Variants in CCSER1 observed in about 807,000 individuals in gnomAD.
CCSER1 encodes serine-rich coiled-coil domain-containing protein 1.
Under a neutral mutation model 82.0 loss-of-function variants are expected in CCSER1, and 41 were observed. The ratio of observed to expected loss-of-function variants is 0.50; its 90% CI spans 0.39 to 0.65. The LOEUF (loss-of-function observed/expected upper bound fraction) is 0.65, where lower values mean the gene tolerates loss of function less well. Ranked by LOEUF, CCSER1 falls within the 30% of genes least tolerant of loss-of-function variation. The pLI is 0.00. For synonymous variants in CCSER1, 414 were observed against 383.9 expected (o/e 1.08, Z -0.92); for missense variants, 1,119 against 1,064.2 (o/e 1.05, Z -0.72).
At chr4:90,312,667 G>T (rs532207640) in intron 2 of CCSER1, among the ~76,000 whole-genome samples, 196 bp from the exon 3 acceptor site, 7 of 152,110 alleles carry the variant, frequency 4.6e-5, no homozygotes, top group African/African-American at 1.7e-4. Flanking sequence ...AGCAACAAAG[G>T]ATGACTCCAA....
At chr4:91,391,182 T>G (rs555024813) in intron 10 of CCSER1, among the ~76,000 whole-genome samples, 1 of 152,308 alleles carries the variant, frequency 6.6e-6, no homozygotes, top group African/African-American at 2.4e-5. Flanking sequence ...ATATGAGTTC[T>G]GTGCTATAAA....
chr4:91,154,901 G>T (rs1730653568), intron 10 of CCSER1, among the ~76,000 whole-genome samples: 1 of 151,906 alleles, frequency 6.6e-6, no homozygotes, highest in South Asian at 2.1e-4. Context: ...AGATGAGGAA[G>T]TAGGGGCACA....
At chr4:90,132,795 T>C (rs534891073) in intron 1 of CCSER1, among the ~76,000 whole-genome samples, 11 of 152,350 alleles carry the variant, frequency 7.2e-5, no homozygotes, top group Non-Finnish European at 1.3e-4. Context: ...TCATTTACAC[T>C]GCACTAACTC....
chr4:91,087,084 T>G (rs980647710), intron 10 of CCSER1, among the ~76,000 whole-genome samples: 20 of 152,186 alleles, frequency 1.3e-4, no homozygotes, highest in African/African-American at 4.6e-4. Context: ...TTTTACAGCT[T>G]TGTGAGAATG....
At chr4:91,177,027 A>G (rs1288422234) in intron 10 of CCSER1, among the ~76,000 whole-genome samples, 1 of 152,158 alleles carries the variant, frequency 6.6e-6, no homozygotes, top group East Asian at 1.9e-4. Flanking sequence ...TTTTAGCATG[A>G]AGGGCTGTTG....
intron 9 of CCSER1, among the ~76,000 whole-genome samples, chr4:91,084,305 C>T (rs1178922908): frequency 6.6e-6 from 1 of 152,162 alleles, no homozygotes; most frequent in Non-Finnish European, 1.5e-5. Flanking sequence ...GAAGAGAAGA[C>T]AGTAATTACT....
intron 7 of CCSER1, among the ~76,000 whole-genome samples, chr4:90,753,442 A>AAG (rs773430261): frequency 2.6e-5 from 4 of 152,050 alleles, no homozygotes; most frequent in Non-Finnish European, 5.9e-5. Context: ...AGCCAAAAAT[A>AAG]AGAGAGAGAG....
chr4:91,167,241 C>T (rs1340232962), intron 10 of CCSER1, among the ~76,000 whole-genome samples: 1 of 134,484 alleles, frequency 7.4e-6, no homozygotes, highest in Non-Finnish European at 1.5e-5. Context: ...GACTAGAGTG[C>T]ATTGGCGCGA....
At chr4:91,088,575 A>G (rs980528574) in intron 10 of CCSER1, among the ~76,000 whole-genome samples, 2 of 152,218 alleles carry the variant, frequency 1.3e-5, no homozygotes, top group African/African-American at 4.8e-5. Context: ...TAAATTGTGA[A>G]ATATACAAAA....
At chr4:91,581,087 C>T (rs1763704963) in intron 10 of CCSER1, among the ~76,000 whole-genome samples, 1 of 151,674 alleles carries the variant, frequency 6.6e-6, no homozygotes. Flanking sequence ...ACCAACAGAC[C>T]TCCTGGACAA....
rs1728279181 is a variant in CCSER1, at chr4:91,134,431, AC to A, written c.2217+48438del. Among the ~76,000 whole-genome samples the A allele has an allele frequency of 2.8e-4, 42 of 150,346 alleles. 1 individual carries two copies. In the South Asian group the frequency reaches 8.5e-3, roughly 30 times the overall value. ...GCAAGACCCTGTCTACAAAAAAAAAACAAAAACAAACAAAAAAACAAAATAA... is the reference window on the plus strand; with the variant it reads ...GCAAGACCCTGTCTACAAAAAAAAAAAAAAACAAACAAAAAAACAAAATAA... On this transcript the variant is annotated intron_variant, in intron 10 of 10. Transcript: ENST00000509176.
chr4:90,746,168 T>G (rs1747428407), intron 7 of CCSER1, among the ~76,000 whole-genome samples: 1 of 152,216 alleles, frequency 6.6e-6, no homozygotes. Context: ...TAATTATGTT[T>G]ATTTACAATT....
intron 10 of CCSER1, among the ~76,000 whole-genome samples, chr4:91,401,913 C>G (rs976940622): frequency 6.6e-6 from 1 of 152,078 alleles, no homozygotes; most frequent in Non-Finnish European, 1.5e-5. Flanking sequence ...GGGTATATAC[C>G]CAGTAATGGG....
intron 3 of CCSER1, among the ~76,000 whole-genome samples, chr4:90,365,855 C>A (rs866893926): frequency 6.6e-6 from 1 of 151,782 alleles, no homozygotes; most frequent in Non-Finnish European, 1.5e-5. Flanking sequence ...GGGCAAAGAC[C>A]TTGCTATCAA....
intron 10 of CCSER1, among the ~76,000 whole-genome samples, chr4:91,437,837 C>G (rs529211618): frequency 9.2e-5 from 14 of 152,366 alleles, no homozygotes; most frequent in South Asian, 6.2e-4. Flanking sequence ...TATCTCGCAC[C>G]TGGTTTGGAG....
chr4:91,493,817 AT>A (rs796223678), intron 10 of CCSER1, among the ~76,000 whole-genome samples: 50 of 151,858 alleles, frequency 3.3e-4, no homozygotes, highest in Admixed American at 7.3e-4. Context: ...CAAATATCTA[AT>A]TTTTTTTAAA....
chr4:91,536,604 T>C (rs1470088875), intron 10 of CCSER1, among the ~76,000 whole-genome samples: 1 of 152,130 alleles, frequency 6.6e-6, no homozygotes, highest in Non-Finnish European at 1.5e-5. Context: ...CTTTGGATAA[T>C]TTATTGCTTT....
At chr4:90,227,729 G>A (rs1177825231) in intron 1 of CCSER1, among the ~76,000 whole-genome samples, 1 of 152,176 alleles carries the variant, frequency 6.6e-6, no homozygotes, top group East Asian at 1.9e-4. Context: ...TCTCACTAGG[G>A]AGTGCCAGAC....
At chr4:90,758,308 G>C (rs906310281) in intron 7 of CCSER1, among the ~76,000 whole-genome samples, 1 of 152,044 alleles carries the variant, frequency 6.6e-6, no homozygotes, top group Non-Finnish European at 1.5e-5. Flanking sequence ...AAAAATAATA[G>C]AGATGTGAAA....
Sources: allele counts gnomAD v4.1 joint callset (sites outside exome capture counted in the v4.1 genomes callset), GRCh38; gene constraint gnomAD v4.1.1; transcripts MANE v1.5; gene names NCBI Gene and HGNC (gene_info 2026-07-23, HGNC 2026-07-21).